The following ENTREP2 variants were observed in gnomAD, a reference collection of about 807,000 sequenced individuals.
ENTREP2 encodes the protein endosomal transmembrane epsin interactor 2.
At chr15:29,311,437 C>T in the ENTREP2 span, among the ~76,000 whole-genome samples, 5 of 152,144 alleles carry the variant, frequency 3.3e-5, no homozygotes, top group Admixed American at 1.3e-4. Flanking sequence ...CACGGGTAAT[C>T]CCAACATTTT....
the ENTREP2 span, among the ~76,000 whole-genome samples, chr15:29,148,727 T>G: frequency 6.6e-6 from 1 of 152,216 alleles, no homozygotes; most frequent in Non-Finnish European, 1.5e-5. Flanking sequence ...AGAGTCAGTC[T>G]GCTGTGTGGA....
chr15:29,169,284 T>C, the ENTREP2 span, among the ~76,000 whole-genome samples: 1 of 152,038 alleles, frequency 6.6e-6, no homozygotes, highest in Non-Finnish European at 1.5e-5. Context: ...TTTATGGGAA[T>C]GAAGAAAATA....
the ENTREP2 span, among the ~76,000 whole-genome samples, chr15:29,501,877 CAATGAAAAATTTTAAAATGA>C: frequency 6.6e-6 from 1 of 151,572 alleles, no homozygotes; most frequent in East Asian, 1.9e-4. Context: ...TGTATACACA[CAATGAAAAATTTTAAAATGA>C]AATGAAAAAG....
At chr15:29,246,685 A>G in the ENTREP2 span, among the ~76,000 whole-genome samples, 1 of 152,022 alleles carries the variant, frequency 6.6e-6, no homozygotes, top group Non-Finnish European at 1.5e-5. Flanking sequence ...CCTGGGCAAC[A>G]AGAGCAAAAC....
chr15:29,243,996 G>T, the ENTREP2 span, among the ~76,000 whole-genome samples: 1 of 152,160 alleles, frequency 6.6e-6, no homozygotes, highest in South Asian at 2.1e-4. Context: ...GGCACCTCAA[G>T]GTAAACTGTA....
the ENTREP2 span, among the ~76,000 whole-genome samples, chr15:29,655,174 A>C: frequency 2.0e-5 from 3 of 152,332 alleles, no homozygotes; most frequent in East Asian, 5.8e-4. Context: ...TCATCCCTCC[A>C]GTAGCCTCAG....
the ENTREP2 span, among the ~76,000 whole-genome samples, chr15:29,471,775 T>C: frequency 2.0e-5 from 3 of 152,326 alleles, no homozygotes; most frequent in East Asian, 3.9e-4. Context: ...CTACAACACA[T>C]TGTTTCTCAA....
At chr15:29,180,430 C>T in the ENTREP2 span, among the ~76,000 whole-genome samples, 2 of 152,056 alleles carry the variant, frequency 1.3e-5, no homozygotes, top group Non-Finnish European at 2.9e-5. Context: ...CTTTGGGAGT[C>T]GAGGCAGGCG....
At chr15:29,341,674 G>A in the ENTREP2 span, among the ~76,000 whole-genome samples, 2 of 152,242 alleles carry the variant, frequency 1.3e-5, no homozygotes, top group South Asian at 2.1e-4. Context: ...TGTGTCAAGC[G>A]CCGTGGAAGG....
At chr15:29,283,868 A>G in the ENTREP2 span, among the ~76,000 whole-genome samples, 99,093 of 152,010 alleles carry the variant, frequency 0.65, 33,023 homozygotes, top group Middle Eastern at 0.72. Context: ...CCAAATGCTC[A>G]ACTTTTTCCA....
chr15:29,370,487 C>T, the ENTREP2 span, among the ~76,000 whole-genome samples: 1 of 152,026 alleles, frequency 6.6e-6, no homozygotes, highest in African/African-American at 2.4e-5. Flanking sequence ...CAAAGAACAA[C>T]ATTCTGAACA....
the ENTREP2 span, among the ~76,000 whole-genome samples, chr15:29,654,856 T>C: frequency 6.6e-6 from 1 of 151,962 alleles, no homozygotes; most frequent in Admixed American, 6.5e-5. Flanking sequence ...TCAATGAGAG[T>C]TCCTTACATA....
At chr15:29,458,807 C>T in the ENTREP2 span, among the ~76,000 whole-genome samples, 1 of 152,198 alleles carries the variant, frequency 6.6e-6, no homozygotes, top group Admixed American at 6.5e-5. Flanking sequence ...GAATACGTCT[C>T]CTCTGACTCT....
chr15:29,529,418 TC>T, the ENTREP2 span, among the ~76,000 whole-genome samples: 1 of 151,790 alleles, frequency 6.6e-6, no homozygotes, highest in Non-Finnish European at 1.5e-5. Context: ...GTTTGAAGAA[TC>T]CAGCAGCCTC....
chr15:29,493,164 C>T, the ENTREP2 span, among the ~76,000 whole-genome samples: 4 of 82,754 alleles, frequency 4.8e-5, no homozygotes, highest in African/African-American at 1.5e-4. Flanking sequence ...GACGGAGTCT[C>T]GCTCTGTCGC....
chr15:29,418,206 C>T, the ENTREP2 span, among the ~76,000 whole-genome samples: 1 of 152,144 alleles, frequency 6.6e-6, no homozygotes, highest in Non-Finnish European at 1.5e-5. Flanking sequence ...TATCCAGCAC[C>T]CCCTGCTTAC....
the ENTREP2 span, among the ~76,000 whole-genome samples, chr15:29,530,593 C>A: frequency 1.3e-5 from 2 of 152,310 alleles, no homozygotes; most frequent in East Asian, 3.9e-4. Context: ...TTGACAAGGA[C>A]ACTCCAGTGC....
At chr15:29,299,677 C>T in the ENTREP2 span, among the ~76,000 whole-genome samples, 1 of 152,156 alleles carries the variant, frequency 6.6e-6, no homozygotes, top group African/African-American at 2.4e-5. Context: ...GTAATTATCA[C>T]TTTATAATAT....
At chr15:29,384,549 G>T in the ENTREP2 span, among the ~76,000 whole-genome samples, 1 of 152,128 alleles carries the variant, frequency 6.6e-6, no homozygotes, top group African/African-American at 2.4e-5. Context: ...CTAGGTCCCT[G>T]ATTTTCCAGC....
Sources: allele counts gnomAD v4.1 joint callset (sites outside exome capture counted in the v4.1 genomes callset), GRCh38; gene constraint gnomAD v4.1.1; transcripts MANE v1.5; gene names NCBI Gene and HGNC (gene_info 2026-07-23, HGNC 2026-07-21).